The following TTC13 variants were observed in gnomAD, a reference collection of about 807,000 sequenced individuals.
The protein encoded by TTC13 is tetratricopeptide repeat domain 13, also known as tetratricopeptide repeat protein 13.
Under a neutral mutation model 120.0 loss-of-function variants are expected in TTC13, and 62 were observed. That is an observed-to-expected ratio of 0.52 (90% CI 0.42 to 0.64). The LOEUF (loss-of-function observed/expected upper bound fraction) is 0.64. Among genes scored for constraint, TTC13 ranks in the 30% least tolerant of loss-of-function variants. The pLI, the probability that TTC13 is intolerant of heterozygous loss-of-function variation, is 0.00. For synonymous variants in TTC13, 384 were observed against 393.5 expected (o/e 0.98, Z 0.28); for missense variants, 824 against 1,050.2 (o/e 0.78, Z 2.98).
chr1:230,978,631 G>A lies in TTC13; in HGVS notation c.200C>T (p.Ala67Val), dbSNP rs781413157. ...QELQHRQQQE[A>V]PAGGGGCSPQ... Reference sequence around the variant, plus strand: ...GCTGCAGCCGCCGCCGCCCGCCGGGGCCTCCTGCTGCTGCCGGTGCTGCAG... The same window carrying A: ...GCTGCAGCCGCCGCCGCCCGCCGGGACCTCCTGCTGCTGCCGGTGCTGCAG... Residue 67 changes from alanine to valine, a missense_variant, in exon 1 of 23, where the codon GCC becomes GTC. Ala to Val is a moderately conservative substitution (Grantham distance 64). Transcript: ENST00000366661. The surrounding 1 kb of genome is among the most constrained non-coding windows in gnomAD (Gnocchi z 5.6). The A allele has an allele frequency of 2.7e-6, 4 of 1,469,402 alleles. No homozygotes were observed. In the South Asian group the frequency reaches 5.2e-5, roughly 19 times the overall value. The allele number at this position is 1,469,402 out of a possible 1,614,324, so 91.0% of individuals were successfully genotyped here.
intron 1 of TTC13, among the ~76,000 whole-genome samples, chr1:230,970,479 G>C (rs1320557633): frequency 6.6e-6 from 1 of 152,156 alleles, no homozygotes; most frequent in Non-Finnish European, 1.5e-5. Flanking sequence ...GAGGAAATGA[G>C]AGCCAGTGAA....
intron 3 of TTC13, among the ~76,000 whole-genome samples, chr1:230,956,780 T>C (rs1676126497): frequency 6.6e-6 from 1 of 152,090 alleles, no homozygotes; most frequent in Non-Finnish European, 1.5e-5. Flanking sequence ...ATAACCCAAA[T>C]CTTGTGCAAA....
intron 11 of TTC13, among the ~76,000 whole-genome samples, chr1:230,929,427 G>A (rs1394202518): frequency 6.6e-6 from 1 of 150,536 alleles, no homozygotes; most frequent in Non-Finnish European, 1.5e-5. Context: ...CCATTCTCCT[G>A]CCTCGGCCTC....
chr1:230,978,789 G>T lies in TTC13; in HGVS notation c.42C>A (p.Gly14=). Residue 14 remains glycine, a synonymous_variant, in exon 1 of 23, where the codon GGC becomes GGA. Coordinates refer to ENST00000366661, the MANE Select transcript of TTC13 (RefSeq NM_024525.5). The surrounding 1 kb of genome is among the most constrained non-coding windows in gnomAD (Gnocchi z 5.6). The stretch of plus-strand genomic sequence containing the variant: ...CGGCGCCCGCGGCGGCCACAGCGCC[G>T]CCCCAGAAGCAGCAGCAGCAGCAGC... ...AGCCCCCCFW[G]GAVAAAGAAR... is the part of the protein sequence containing the mutation. 6.7e-7 allele frequency: 1 copy of T among 1,497,564 alleles called. No individual in the cohort carries two copies. Among genetic ancestry groups the T allele is most frequent in the Non-Finnish European group, 8.8e-7 (1 of 1,132,762 alleles). 92.8% of individuals were successfully genotyped at this position (1,497,564 alleles called of 1,614,324 possible).
rs896849738 is a variant in TTC13, at chr1:230,906,587, A to G, written c.*318T>C. On this transcript the variant is annotated 3_prime_UTR_variant, in exon 23 of 23. Transcript: ENST00000366661. ...GGTTTTGTTTTTGTTCATCTTCAGT[A>G]TTATATTTTAGTTGTTGAGGAAAAT... The G allele has an allele frequency of 6.0e-6, 1 of 165,642 alleles. No individual in the cohort carries two copies. The highest frequency in any genetic ancestry group is 6.3e-5 in the Admixed American group (1 of 15,754). 10.3% of individuals were successfully genotyped at this position (165,642 alleles called of 1,614,324 possible). A position where few individuals can be genotyped will look rare whatever the true frequency, so the allele number is the denominator to read the frequency against.
At chr1:230,948,783 C>G (rs116729142) in intron 4 of TTC13, among the ~76,000 whole-genome samples, 20 of 152,154 alleles carry the variant, frequency 1.3e-4, no homozygotes, top group Admixed American at 1.3e-3. Flanking sequence ...AGCCACCACA[C>G]CCAGCTTCAC....
intron 5 of TTC13, 100 bp downstream of exon 5, chr1:230,945,289 C>T: frequency 9.5e-7 from 1 of 1,053,690 alleles, no homozygotes; most frequent in Non-Finnish European, 1.5e-6. Context: ...TACCACTCCA[C>T]ATCCCATCAA....
At position 230,916,341 on chromosome 1, in the gene TTC13, A is replaced by G. The variant is rs370209984; in HGVS notation, c.1984-39T>C. The stretch of plus-strand genomic sequence containing the variant: ...AGAAAATTCACGTTACTAGTGTTTC[A>G]TTCACTGTAAACCCCAACTGCAACT... On this transcript the variant is annotated intron_variant, in intron 17 of 22. Transcript: ENST00000366661. 1.4e-5 allele frequency: 20 copies of G among 1,464,864 alleles called. No homozygotes were observed. In the African/African-American group the frequency reaches 2.4e-4, roughly 17 times the overall value. The allele number at this position is 1,464,864 out of a possible 1,614,324, so 90.7% of individuals were successfully genotyped here.
chr1:230,924,624 G>C (rs561998361), intron 14 of TTC13, among the ~76,000 whole-genome samples: 1 of 152,316 alleles, frequency 6.6e-6, no homozygotes, highest in East Asian at 1.9e-4. Context: ...GAGCCACTGC[G>C]CCCAGCCAAT....
At chr1:230,912,846 T>A (rs545492177) in intron 18 of TTC13, 88 bp from the exon 19 acceptor site, 80 of 1,192,984 alleles carry the variant, frequency 6.7e-5, no homozygotes, top group South Asian at 2.1e-4. Context: ...GCAAATAGCA[T>A]ACTGACGTAG....
intron 4 of TTC13, among the ~76,000 whole-genome samples, chr1:230,953,768 C>G (rs1180577815): frequency 2.0e-5 from 3 of 152,206 alleles, no homozygotes; most frequent in African/African-American, 7.2e-5. Flanking sequence ...TTCTTTGCAA[C>G]TCTTATACAT....
In TTC13 at chr1:230,958,218, T is replaced by A. The variant is rs978678039; in HGVS notation, c.442+6A>T. 15 of 1,611,316 alleles carry A rather than the reference T, an allele frequency of 9.3e-6. No homozygotes were observed. The highest frequency in any genetic ancestry group is 1.2e-5 in the Non-Finnish European group (14 of 1,179,332). ...TTACAGGAATATTACCAGATTCAAG[T>A]CTTACCTAACTCTTCATTTGTGCTG... On this transcript the variant is annotated splice_donor_region_variant and intron_variant, in intron 3 of 22. Coordinates refer to ENST00000366661, the MANE Select transcript of TTC13 (RefSeq NM_024525.5).
intron 1 of TTC13, among the ~76,000 whole-genome samples, chr1:230,968,433 C>A (rs1228478081): frequency 6.6e-6 from 1 of 152,084 alleles, no homozygotes; most frequent in Non-Finnish European, 1.5e-5. Context: ...TCCCTTATTA[C>A]CTCTTCTCGC....
chr1:230,977,866 T>C (rs928922212), intron 1 of TTC13, among the ~76,000 whole-genome samples: 1 of 152,216 alleles, frequency 6.6e-6, no homozygotes, highest in Non-Finnish European at 1.5e-5. Context: ...CCATTCTTAA[T>C]GAATGAGCTG....
chr1:230,959,546 A>G (rs975802318), intron 2 of TTC13, among the ~76,000 whole-genome samples: 1 of 152,084 alleles, frequency 6.6e-6, no homozygotes, highest in African/African-American at 2.4e-5. Flanking sequence ...CACCCCTGCT[A>G]ATTTTGTATT....
chr1:230,958,097 G>T, intron 3 of TTC13, 127 bp downstream of exon 3: 1 of 806,200 alleles, frequency 1.2e-6, no homozygotes, highest in Non-Finnish European at 1.9e-6. Context: ...AATGCTCCAT[G>T]CAAGATCAAA....
chr1:230,926,311 C>A (rs1284721987), intron 12 of TTC13, among the ~76,000 whole-genome samples: 8 of 152,050 alleles, frequency 5.3e-5, no homozygotes, highest in Admixed American at 5.2e-4. Context: ...CAGTCACAAG[C>A]TTCCAAGGGT....
chr1:230,915,908 C>CG (rs1028067032), intron 18 of TTC13, among the ~76,000 whole-genome samples: 76 of 151,816 alleles, frequency 5.0e-4, no homozygotes, highest in African/African-American at 1.6e-3. Context: ...CCCTCGCCCC[C>CG]CCAAGGAACT....
intron 17 of TTC13, chr1:230,920,156 G>T (rs1211869977): frequency 1.1e-5 from 2 of 187,426 alleles, no homozygotes; most frequent in Non-Finnish European, 2.2e-5. Context: ...GTGACAGTGG[G>T]ATTCACATTA....
Sources: gnomAD v4.1 joint callset for allele counts (sites outside exome capture counted in the v4.1 genomes callset) on GRCh38, gnomAD v4.1.1 for gene constraint, Gnocchi (gnomAD v3.1) non-coding constraint, MANE v1.5 for transcripts, NCBI Gene and HGNC (gene_info 2026-07-23, HGNC 2026-07-21) for gene names.